Variants in DCAF8L2 observed in about 807,000 individuals in gnomAD.
DCAF8L2 encodes the protein DDB1- and CUL4-associated factor 8-like protein 2.
For missense variants in DCAF8L2, 430 were observed against 490.7 expected, an observed-to-expected ratio of 0.88 and a Z score of 1.17; for synonymous variants, 200 against 190.9, an observed-to-expected ratio of 1.05 and a Z score of -0.39.
the DCAF8L2 span, among the ~76,000 whole-genome samples, chrX:27,486,859 A>G: frequency 1.8e-5 from 2 of 111,716 alleles, no homozygotes; most frequent in African/African-American, 6.5e-5. Context: ...TATTACCTAG[A>G]TAACTGTAGA....
the DCAF8L2 span, among the ~76,000 whole-genome samples, chrX:27,557,698 G>A: frequency 9.0e-6 from 1 of 110,970 alleles, no homozygotes; most frequent in African/African-American, 3.3e-5. Flanking sequence ...GGGCTCTTCT[G>A]GGAAGGACGT....
At chrX:27,617,705 A>G (rs765041930) in intron 1 of DCAF8L2, among the ~76,000 whole-genome samples, 10 of 111,204 alleles carry the variant, frequency 9.0e-5, no homozygotes, top group Non-Finnish European at 1.7e-4. Flanking sequence ...TCAGCTACCT[A>G]GTGATTAGTC....
intron 1 of DCAF8L2, among the ~76,000 whole-genome samples, chrX:27,621,523 A>G (rs745502419): frequency 2.0e-3 from 226 of 111,877 alleles, no homozygotes; most frequent in Middle Eastern, 9.2e-3. Context: ...GTAAAGGAAA[A>G]AAGTGGCCTA....
intron 4 of DCAF8L2, among the ~76,000 whole-genome samples, chrX:27,738,124 A>T (rs1159203698): frequency 8.9e-6 from 1 of 111,867 alleles, no homozygotes; most frequent in Non-Finnish European, 1.9e-5. Context: ...AGTTACGGTA[A>T]TGTCCTGGGA....
At chrX:27,704,548 G>A (rs1024227912) in intron 3 of DCAF8L2, among the ~76,000 whole-genome samples, 4 of 110,079 alleles carry the variant, frequency 3.6e-5, no homozygotes, top group South Asian at 7.7e-4. Context: ...ATGTCTAAGC[G>A]TACACTCCTT....
rs186439976 is a variant in DCAF8L2 at position 27,629,754 on chromosome X, C to T, written c.-341-2125C>T. 5.0e-3 allele frequency among the ~76,000 whole-genome samples: 553 copies of T among 111,251 alleles called. 2 individuals are homozygous for T. The highest frequency in any genetic ancestry group is 8.4e-3 in the Admixed American group (87 of 10,369). The stretch of plus-strand genomic sequence containing the variant: ...TTTGAAATCAGGACGTATTATGCTT[C>T]CTGCTTTGTTCTTTCTCAAGATTAT... On this transcript the variant is annotated intron_variant, in intron 1 of 4. Transcript: ENST00000451261.
At chrX:27,616,971 G>A (rs1927510887) in intron 1 of DCAF8L2, among the ~76,000 whole-genome samples, 1 of 111,719 alleles carries the variant, frequency 9.0e-6, no homozygotes, top group African/African-American at 3.2e-5. Context: ...CATTCTATTT[G>A]TAAGCCATGG....
the DCAF8L2 span, among the ~76,000 whole-genome samples, chrX:27,571,564 A>G: frequency 6.2e-4 from 69 of 111,954 alleles, no homozygotes; most frequent in African/African-American, 2.2e-3. Context: ...GAGATGTAGT[A>G]GGTTAAAAAT....
At chrX:27,555,497 C>A in the DCAF8L2 span, among the ~76,000 whole-genome samples, 1 of 111,870 alleles carries the variant, frequency 8.9e-6, no homozygotes, top group Non-Finnish European at 1.9e-5. Flanking sequence ...CAACATGGAT[C>A]ATTTAGCTAC....
the DCAF8L2 span, among the ~76,000 whole-genome samples, chrX:27,502,347 T>A: frequency 0.013 from 611 of 45,466 alleles, 14 homozygotes; most frequent in African/African-American, 0.027. Flanking sequence ...TATATATATA[T>A]ATATATATAT....
At position 27,748,429 on chromosome X, in the gene DCAF8L2, A is replaced by C; in HGVS notation, c.1534A>C (p.Arg512=). 4 of 1,205,575 alleles carry C rather than the reference A, an allele frequency of 3.3e-6. No homozygotes were observed. Among genetic ancestry groups the C allele is most frequent in the Non-Finnish European group, 4.5e-6 (4 of 891,833 alleles). The change falls in exon 5 of 5, where the codon AGA becomes CGA. Residue 512 remains arginine (R), a synonymous_variant. Transcript: ENST00000451261. The part of the protein sequence containing the change: ...CQIIQFLKGS[R]EGTINCLEPH... ...AATCATCCAGTTCCTAAAGGGGAGC[A>C]GAGAAGGTACAATAAACTGTCTTGA...
At chrX:27,485,984 A>G in the DCAF8L2 span, among the ~76,000 whole-genome samples, 1 of 90,919 alleles carries the variant, frequency 1.1e-5, no homozygotes, top group Non-Finnish European at 2.1e-5. Flanking sequence ...GACCGTTATA[A>G]TAATATCGTA....
At chrX:27,684,477 G>A (rs1930431833) in intron 3 of DCAF8L2, among the ~76,000 whole-genome samples, 1 of 112,024 alleles carries the variant, frequency 8.9e-6, no homozygotes, top group African/African-American at 3.2e-5. Context: ...CTTCGTAGTG[G>A]CACAAATAGG....
At chrX:27,664,003 C>T (rs765161711) in intron 2 of DCAF8L2, among the ~76,000 whole-genome samples, 4 of 108,401 alleles carry the variant, frequency 3.7e-5, no homozygotes, top group Non-Finnish European at 5.7e-5. Context: ...AGCCACCATG[C>T]CTGGGTGAAA....
chrX:27,748,796 C>G lies in DCAF8L2; in HGVS notation c.*5C>G, dbSNP rs1164792654. 8.4e-7 allele frequency: 1 copy of G among 1,184,298 alleles called. No individual in the cohort carries two copies. The highest frequency in any genetic ancestry group is 1.1e-6 in the Non-Finnish European group (1 of 880,034). The stretch of plus-strand genomic sequence containing the variant: ...GTGCAGTGCATGCCATCCTGAAGGC[C>G]TCATATCCAGTCCAGCTACATGCCA... On this transcript the variant is annotated 3_prime_UTR_variant, in exon 5 of 5. Transcript: ENST00000451261.
chrX:27,487,514 C>A, the DCAF8L2 span, among the ~76,000 whole-genome samples: 1 of 111,761 alleles, frequency 8.9e-6, no homozygotes, highest in Non-Finnish European at 1.9e-5. Context: ...AACTCCTGAC[C>A]TAAAGTGGTC....
At chrX:27,503,770 C>T in the DCAF8L2 span, among the ~76,000 whole-genome samples, 1 of 111,405 alleles carries the variant, frequency 9.0e-6, no homozygotes, top group East Asian at 2.8e-4. Context: ...TTATCTTTAG[C>T]TTATCTATTT....
At chrX:27,481,776 G>A in the DCAF8L2 span, among the ~76,000 whole-genome samples, 1 of 111,962 alleles carries the variant, frequency 8.9e-6, no homozygotes. Flanking sequence ...AGGATAAAAA[G>A]TTCATTTTGG....
chrX:27,615,524 A>AATCTATCTATCTATCT (rs368679663), intron 1 of DCAF8L2, among the ~76,000 whole-genome samples: 3,106 of 104,414 alleles, frequency 0.03, 130 homozygotes, highest in African/African-American at 0.093. Flanking sequence ...AGATTCTATC[A>AATCTATCTATCTATCT]ATCTATCTAT....
Sources: gnomAD v4.1 joint callset for allele counts (sites outside exome capture counted in the v4.1 genomes callset) on GRCh38, gnomAD v4.1.1 for gene constraint, MANE v1.5 for transcripts, NCBI Gene and HGNC (gene_info 2026-07-23, HGNC 2026-07-21) for gene names.